The following SHC3 variants were observed in gnomAD, a reference collection of about 807,000 sequenced individuals.
SHC3 encodes the protein SHC-transforming protein 3.
A neutral mutation model predicts 60.4 loss-of-function variants in SHC3; 15 were observed. The ratio of observed to expected loss-of-function variants is 0.25; its 90% confidence interval spans 0.17 to 0.38. The LOEUF (loss-of-function observed/expected upper bound fraction) is 0.38, where lower values mean the gene tolerates loss of function less well. SHC3 is among the 10% of genes least tolerant of loss of function. The pLI, the probability that SHC3 is intolerant of heterozygous loss-of-function variation, is 1.00. For synonymous variants in SHC3, 294 were observed against 325.9 expected (o/e 0.90, Z 1.05); for missense variants, 677 against 786.1 (o/e 0.86, Z 1.66).
Position 89,169,552 on chromosome 9 carries a change from C to A in SHC3, c.474+8435G>T, listed in dbSNP as rs528344292. Among the ~76,000 whole-genome samples the A allele has an allele frequency of 2.6e-4, 39 of 152,232 alleles. No homozygotes were observed. The South Asian group carries it at 7.3e-3, about 28-fold the overall frequency. On this transcript the variant is annotated intron_variant, in intron 1 of 11. Coordinates refer to ENST00000375835, the MANE Select transcript of SHC3 (RefSeq NM_016848.6). ...CAACTTGAGGCCCTCATTCCCACTG[C>A]GTGAGGAGGGCCTTCATGTCTAGAA...
At chr9:89,080,424 T>C (rs1204068083) in intron 2 of SHC3, among the ~76,000 whole-genome samples, 2 of 152,132 alleles carry the variant, frequency 1.3e-5, no homozygotes, top group Non-Finnish European at 2.9e-5. Context: ...GTCCTCATGA[T>C]TTCACCATCT....
At chr9:89,068,461 A>T (rs1825217573) in intron 5 of SHC3, among the ~76,000 whole-genome samples, 1 of 152,230 alleles carries the variant, frequency 6.6e-6, no homozygotes, top group Non-Finnish European at 1.5e-5. Context: ...ATGTCTACCA[A>T]TTATAATGTG....
chr9:89,101,726 T>C (rs369554963), intron 2 of SHC3, among the ~76,000 whole-genome samples: 13 of 152,142 alleles, frequency 8.5e-5, no homozygotes, highest in East Asian at 3.9e-4. Flanking sequence ...TTATTTTCTT[T>C]TTGACATATC....
intron 1 of SHC3, among the ~76,000 whole-genome samples, chr9:89,136,349 T>G (rs1374415721): frequency 6.6e-6 from 1 of 152,098 alleles, no homozygotes; most frequent in Non-Finnish European, 1.5e-5. Context: ...CAGGGTATGA[T>G]AGGAGGTCAG....
intron 10 of SHC3, 53 bp from the exon 11 acceptor site, chr9:89,038,341 A>G: frequency 9.3e-7 from 1 of 1,076,544 alleles, no homozygotes. Flanking sequence ...AGAGCAAATG[A>G]TAAAAAAAAA....
intron 11 of SHC3, 93 bp from the exon 12 acceptor site, chr9:89,013,668 GC>G: frequency 6.7e-7 from 1 of 1,490,862 alleles, no homozygotes; most frequent in Non-Finnish European, 9.0e-7. Flanking sequence ...ATCTGAACTG[GC>G]CCAGAAGGAA....
chr9:89,141,463 T>C (rs1183403431), intron 1 of SHC3, among the ~76,000 whole-genome samples: 1 of 152,194 alleles, frequency 6.6e-6, no homozygotes, highest in African/African-American at 2.4e-5. Context: ...TTTTTACCAT[T>C]CATTCAACTG....
Position 89,178,795 on chromosome 9 carries a change from C to A in SHC3, c.-335G>T. On this transcript the variant is annotated 5_prime_UTR_variant, in exon 1 of 12. Transcript: ENST00000375835. The surrounding 1 kb of genome is among the most constrained non-coding windows in gnomAD (Gnocchi z 6.9). The stretch of plus-strand genomic sequence containing the variant: ...ACTCACTCTGAGAGGAGACCCTTCT[C>A]AACAAAGGCTCGGTGAGCACTGCAA... 1.8e-5 allele frequency: 4 copies of A among 225,702 alleles called. No homozygotes were observed. The highest frequency in any genetic ancestry group is 2.6e-5 in the Non-Finnish European group (3 of 116,156). The allele number at this position is 225,702 out of a possible 1,614,324, so 14.0% of individuals were successfully genotyped here. A position where few individuals can be genotyped will look rare whatever the true frequency, so the allele number is the denominator to read the frequency against.
chr9:89,130,957 A>G (rs1287813464), intron 1 of SHC3, among the ~76,000 whole-genome samples: 7 of 152,180 alleles, frequency 4.6e-5, no homozygotes, highest in Non-Finnish European at 1.0e-4. Flanking sequence ...CAAAAAATCA[A>G]TGAATCCAGG....
At position 89,071,259 on chromosome 9, in the gene SHC3, G is replaced by A. The variant is rs1301726576; in HGVS notation, c.730-7C>T. 1.9e-6 allele frequency: 3 copies of A among 1,614,062 alleles called. No individual in the cohort carries two copies. In the Admixed American group the frequency reaches 5.0e-5, roughly 27 times the overall value. On this transcript the variant is annotated splice_region_variant and splice_polypyrimidine_tract_variant and intron_variant, in intron 4 of 11. Coordinates refer to ENST00000375835, the MANE Select transcript of SHC3 (RefSeq NM_016848.6). Reference sequence around the variant, plus strand: ...TGTGGTGATTCGCTATGATCTGCCAGGCCCAAAACAAGAAACGAGATGTGC... The same window carrying A: ...TGTGGTGATTCGCTATGATCTGCCAAGCCCAAAACAAGAAACGAGATGTGC...
At chr9:89,076,781 C>A (rs1017660915) in intron 3 of SHC3, among the ~76,000 whole-genome samples, 3 of 152,018 alleles carry the variant, frequency 2.0e-5, no homozygotes, top group African/African-American at 7.3e-5. Flanking sequence ...CTGATGGGAG[C>A]CAATTATTAA....
At chr9:89,089,547 C>T (rs1390096715) in intron 2 of SHC3, among the ~76,000 whole-genome samples, 1 of 152,160 alleles carries the variant, frequency 6.6e-6, no homozygotes, top group Non-Finnish European at 1.5e-5. Context: ...GGTTTTATGC[C>T]CCCCGACACA....
intron 1 of SHC3, among the ~76,000 whole-genome samples, chr9:89,169,211 C>G (rs373417493): frequency 6.6e-6 from 1 of 152,196 alleles, no homozygotes; most frequent in East Asian, 1.9e-4. Context: ...GAGGCCCTGC[C>G]GGACACTGAG....
intron 2 of SHC3, among the ~76,000 whole-genome samples, chr9:89,085,400 G>A (rs1325175403): frequency 2.0e-5 from 3 of 152,172 alleles, no homozygotes; most frequent in Admixed American, 6.5e-5. Context: ...GCAGTCAGAC[G>A]GCTCTAAGAT....
rs111873630 is a variant in SHC3, at chr9:89,073,425, G to A, written c.729+1684C>T. On this transcript the variant is annotated intron_variant, in intron 4 of 11. Transcript: ENST00000375835. ...CACTAGGAACTCTGTAGAGGGGAGCGGCTGTTGTCTTGCTGCTGTCTCACT... is the reference window on the plus strand; with the variant it reads ...CACTAGGAACTCTGTAGAGGGGAGCAGCTGTTGTCTTGCTGCTGTCTCACT... Among the ~76,000 whole-genome samples the A allele has an allele frequency of 1.9e-3, 296 of 152,250 alleles. 2 individuals carry two copies. Among genetic ancestry groups the A allele is most frequent in the Non-Finnish European group, 2.5e-3 (171 of 68,018 alleles).
chr9:89,074,602 ACATTGGCTATTC>A (rs1825324566), intron 4 of SHC3, among the ~76,000 whole-genome samples: 1 of 149,696 alleles, frequency 6.7e-6, no homozygotes. Context: ...AATTCATTCC[ACATTGGCTATTC>A]CATAGACAAC....
At chr9:89,104,045 G>A (rs1162534234) in intron 2 of SHC3, among the ~76,000 whole-genome samples, 1 of 152,174 alleles carries the variant, frequency 6.6e-6, no homozygotes, top group Non-Finnish European at 1.5e-5. Context: ...CATGCCAGAT[G>A]GTTCTCAAGG....
At chr9:89,143,109 A>T (rs550615713) in intron 1 of SHC3, among the ~76,000 whole-genome samples, 45 of 152,244 alleles carry the variant, frequency 3.0e-4, no homozygotes, top group South Asian at 2.3e-3. Flanking sequence ...GTAATAAGAG[A>T]ATGGCTACTC....
intron 2 of SHC3, chr9:89,110,088 C>A (rs189718380): frequency 2.0e-6 from 2 of 985,184 alleles, no homozygotes; most frequent in Non-Finnish European, 2.4e-6. Context: ...AAAGGAAACA[C>A]CTTTCCAAAA....
Sources: allele counts gnomAD v4.1 joint callset (sites outside exome capture counted in the v4.1 genomes callset), GRCh38; gene constraint gnomAD v4.1.1; non-coding constraint Gnocchi (gnomAD v3.1); transcripts MANE v1.5; gene names NCBI Gene and HGNC (gene_info 2026-07-23, HGNC 2026-07-21).